Variants in RAD17 observed in about 807,000 individuals in gnomAD.
The protein encoded by RAD17 is cell cycle checkpoint protein RAD17.
In RAD17, 31 loss-of-function variants were observed where a neutral mutation model predicts 81.5. That is an observed-to-expected ratio of 0.38 (90% confidence interval 0.29 to 0.51). The LOEUF is 0.51. Among genes scored for constraint, RAD17 ranks in the 20% least tolerant of loss-of-function variants. The pLI, the probability that RAD17 is intolerant of heterozygous loss-of-function variation, is 0.88. For synonymous variants in RAD17, 261 were observed against 266.2 expected (o/e 0.98, Z 0.19); for missense variants, 681 against 781.2 (o/e 0.87, Z 1.53).
At chr5:69,378,924 A>G in intron 6 of RAD17, among the ~76,000 whole-genome samples, 2 of 152,294 alleles carry the variant, frequency 1.3e-5, no homozygotes, top group East Asian at 3.9e-4. Flanking sequence ...GTAAATAAAC[A>G]TACCTAAAGC....
intron 11 of RAD17, among the ~76,000 whole-genome samples, chr5:69,388,186 C>CA (rs1327159323): frequency 7.7e-6 from 1 of 129,908 alleles, no homozygotes. Context: ...TGTGTCAAAA[C>CA]AAAAATTTTT....
In RAD17 at chr5:69,414,114, A is replaced by G; in HGVS notation, c.1835A>G (p.His612Arg). The change falls in exon 19 of 19, where the codon CAT becomes CGT. Residue 612 changes from histidine (H) to arginine (R), a missense_variant. Transcript: ENST00000354868. ...GATGAAGCCCAGCTTAATGGAGGAC[A>G]TTCTGCAGAGGAATCTCTGGGTGAA... is the stretch of plus-strand genomic sequence containing the variant. ...SGDEAQLNGGHSAEESLGEPT... is the reference protein window; with the variant it reads ...SGDEAQLNGGRSAEESLGEPT... The G allele has an allele frequency of 2.5e-6, 4 of 1,614,228 alleles. No homozygotes were observed. The highest frequency in any genetic ancestry group is 3.4e-6 in the Non-Finnish European group (4 of 1,180,048).
chr5:69,406,487 T>A (rs1208523896), intron 17 of RAD17, among the ~76,000 whole-genome samples: 6 of 151,614 alleles, frequency 4.0e-5, no homozygotes, highest in Non-Finnish European at 8.8e-5. Flanking sequence ...TAATAGTATT[T>A]TGTGTGTGTG....
chr5:69,386,337 C>T (rs1257439789), intron 10 of RAD17, 32 bp downstream of exon 10: 10 of 1,587,046 alleles, frequency 6.3e-6, no homozygotes, highest in Non-Finnish European at 8.6e-6. Flanking sequence ...ATAAAGGTCA[C>T]ATACATATTA....
At chr5:69,385,265 TC>T (rs530305327) in intron 8 of RAD17, among the ~76,000 whole-genome samples, 2 of 127,190 alleles carry the variant, frequency 1.6e-5, no homozygotes, top group African/African-American at 5.2e-5. Flanking sequence ...TGGCCTAAAA[TC>T]TTTTTTTTTT....
At position 69,414,529 on chromosome 5, in the gene RAD17, G is replaced by A. The variant is rs969786687; in HGVS notation, c.*237G>A. On this transcript the variant is annotated 3_prime_UTR_variant, in exon 19 of 19. Coordinates refer to ENST00000354868, the MANE Select transcript of RAD17 (RefSeq NM_133338.3). ...TTATTAAATCTGTGAGTGGTTTAAG[G>A]AGCGGTCAGTGTGTATAAAGTGTGT... 1 of 586,964 alleles carries A rather than the reference G, an allele frequency of 1.7e-6. No homozygotes were observed. Among genetic ancestry groups the A allele is most frequent in the African/African-American group, 1.9e-5 (1 of 53,750 alleles). The allele number at this position is 586,964 out of a possible 1,614,324, so 36.4% of individuals were successfully genotyped here. A position where few individuals can be genotyped will look rare whatever the true frequency, so the allele number is the denominator to read the frequency against.
At chr5:69,385,354 C>T (rs192894387) in intron 8 of RAD17, among the ~76,000 whole-genome samples, 181 of 150,932 alleles carry the variant, frequency 1.2e-3, no homozygotes, top group African/African-American at 4.0e-3. Flanking sequence ...CTGCCACCTC[C>T]GCCTCCTGGG....
intron 17 of RAD17, among the ~76,000 whole-genome samples, chr5:69,406,541 A>G (rs572278617): frequency 2.4e-4 from 37 of 151,950 alleles, no homozygotes; most frequent in Non-Finnish European, 5.0e-4. Flanking sequence ...CACTCTTGTC[A>G]CCCAAGCTGG....
chr5:69,410,994 T>TATATATATA (rs1765957712), intron 18 of RAD17, among the ~76,000 whole-genome samples: 1 of 145,094 alleles, frequency 6.9e-6, no homozygotes, highest in African/African-American at 2.5e-5. Context: ...TATATATATA[T>TATATATATA]ATACTGTTCA....
chr5:69,387,806 G>A (rs563706332), intron 11 of RAD17, among the ~76,000 whole-genome samples: 33 of 152,230 alleles, frequency 2.2e-4, no homozygotes, highest in African/African-American at 6.5e-4. Flanking sequence ...GCAGTGAGCC[G>A]AGATTGCGCT....
At chr5:69,400,207 G>GGCT in intron 17 of RAD17, 38 bp downstream of exon 17, 1 of 476,468 alleles carries the variant, frequency 2.1e-6, no homozygotes, top group East Asian at 4.8e-5. Flanking sequence ...TAAGAAGTAG[G>GGCT]GTTTATTTAT....
intron 17 of RAD17, among the ~76,000 whole-genome samples, chr5:69,401,758 C>T (rs189404096): frequency 7.1e-4 from 108 of 151,800 alleles, no homozygotes; most frequent in Non-Finnish European, 1.0e-3. Flanking sequence ...GAGGCCAAGA[C>T]GGGCGGATCA....
At chr5:69,382,184 G>A in intron 7 of RAD17, 127 bp downstream of exon 7, 2 of 1,104,090 alleles carry the variant, frequency 1.8e-6, no homozygotes, top group Non-Finnish European at 2.6e-6. Flanking sequence ...AATTTCACAG[G>A]CCAGGTGCGA....
chr5:69,384,753 A>C, intron 7 of RAD17, 44 bp from the exon 8 acceptor site: 1 of 1,536,258 alleles, frequency 6.5e-7, no homozygotes, highest in Non-Finnish European at 8.9e-7. Flanking sequence ...ATATTAATGT[A>C]TATCATTTGT....
chr5:69,377,456 T>TATGTATATATATATATATACAC (rs1763434622), intron 6 of RAD17, among the ~76,000 whole-genome samples: 1 of 8,492 alleles, frequency 1.2e-4, no homozygotes, highest in Non-Finnish European at 5.1e-4. Context: ...TATATATATA[T>TATGTATATATATATATATACAC]ATATATATAT....
At chr5:69,410,360 T>C (rs761534503) in intron 17 of RAD17, 133 bp from the exon 18 acceptor site, 11 of 631,172 alleles carry the variant, frequency 1.7e-5, no homozygotes, top group Admixed American at 2.9e-5. Context: ...TAGATGTGAA[T>C]TGGTATCTCA....
intron 16 of RAD17, among the ~76,000 whole-genome samples, chr5:69,397,260 G>C (rs1438034548): frequency 6.6e-6 from 1 of 152,050 alleles, no homozygotes; most frequent in Non-Finnish European, 1.5e-5. Flanking sequence ...TCCCACCTCA[G>C]CCTCCTGAGT....
At chr5:69,410,750 A>G (rs1765921128) in intron 18 of RAD17, among the ~76,000 whole-genome samples, 200 bp downstream of exon 18, 1 of 151,908 alleles carries the variant, frequency 6.6e-6, no homozygotes, top group Non-Finnish European at 1.5e-5. Flanking sequence ...GGACTATACC[A>G]GATTAAATGG....
intron 6 of RAD17, among the ~76,000 whole-genome samples, chr5:69,375,294 C>T (rs1763266330): frequency 6.6e-6 from 1 of 152,108 alleles, no homozygotes; most frequent in African/African-American, 2.4e-5. Context: ...GTATTTAGCA[C>T]ATCAGATTAT....
Sources: gnomAD v4.1 joint callset for allele counts (sites outside exome capture counted in the v4.1 genomes callset) on GRCh38, gnomAD v4.1.1 for gene constraint, MANE v1.5 for transcripts, NCBI Gene and HGNC (gene_info 2026-07-23, HGNC 2026-07-21) for gene names.